RTCB: variants seen among roughly 807,000 people sequenced by gnomAD.
RTCB encodes RNA-splicing ligase RTCB.
RTCB carries 32 observed loss-of-function variants against 58.2 expected under a neutral mutation model. The observed-to-expected ratio is 0.55, with a 90% CI of 0.41 to 0.74. The LOEUF (loss-of-function observed/expected upper bound fraction) is 0.74, where lower values mean the gene tolerates loss of function less well. RTCB is among the 30% of genes least tolerant of loss of function. RTCB has a pLI of 0.00. For missense variants in RTCB, 523 were observed against 639.0 expected (o/e 0.82, Z 1.96); for synonymous variants, 247 against 218.6 (o/e 1.13, Z -1.15).
chr22:32,407,288 A>G (rs1363494641), intron 3 of RTCB: 1 of 153,762 alleles, frequency 6.5e-6, no homozygotes, highest in Non-Finnish European at 1.4e-5. Context: ...GACACTAACA[A>G]CTTCCTTATA....
At chr22:32,401,699 G>A in intron 5 of RTCB, 48 bp downstream of exon 5, 1 of 1,587,814 alleles carries the variant, frequency 6.3e-7, no homozygotes, top group South Asian at 1.1e-5. Flanking sequence ...TGAAGGTCAT[G>A]TGGTTATTAT....
At chr22:32,389,917 T>TG (rs1313621446) in intron 11 of RTCB, among the ~76,000 whole-genome samples, 1 of 152,198 alleles carries the variant, frequency 6.6e-6, no homozygotes, top group African/African-American at 2.4e-5. Context: ...CCCTCTGGCT[T>TG]GCTCTTGTCA....
chr22:32,388,274 G>A (rs1933091569), intron 11 of RTCB, among the ~76,000 whole-genome samples, 175 bp from the exon 12 acceptor site: 1 of 150,996 alleles, frequency 6.6e-6, no homozygotes, highest in Admixed American at 6.6e-5. Context: ...GGTCAGTGCT[G>A]ATTTCCAAAA....
chr22:32,388,401 T>C (rs371532833), intron 11 of RTCB, among the ~76,000 whole-genome samples: 209 of 152,240 alleles, frequency 1.4e-3, no homozygotes, highest in African/African-American at 4.9e-3. Context: ...CAGAACCTGA[T>C]TGGAAGAAAC....
At position 32,396,252 on chromosome 22, in the gene RTCB, G is replaced by A. The variant is rs1352189738; in HGVS notation, c.815-3C>T. On this transcript the variant is annotated splice_polypyrimidine_tract_variant and splice_region_variant and intron_variant, in intron 7 of 11. Coordinates refer to ENST00000216038, the MANE Select transcript of RTCB (RefSeq NM_014306.5). ...CTTCTCCATAGCTACCAGCGCATCT[G>A]GAACAAGAGCCACAAAGTCCAAACC... 1.2e-6 allele frequency: 2 copies of A among 1,613,640 alleles called. No homozygotes were observed. The highest frequency in any genetic ancestry group is 2.2e-5 in the East Asian group (1 of 44,874).
At chr22:32,398,308 A>G (rs904574839) in intron 6 of RTCB, among the ~76,000 whole-genome samples, 8 of 152,222 alleles carry the variant, frequency 5.3e-5, no homozygotes, top group Non-Finnish European at 1.0e-4. Flanking sequence ...GAATTTTGTT[A>G]TATCATTATA....
At chr22:32,400,757 C>A (rs1483248822) in intron 5 of RTCB, among the ~76,000 whole-genome samples, 1 of 152,038 alleles carries the variant, frequency 6.6e-6, no homozygotes, top group Non-Finnish European at 1.5e-5. Context: ...ACATTTTTTT[C>A]TATTAATTAT....
In RTCB at chr22:32,396,140, CT is replaced by C; in HGVS notation, c.923del (p.Lys308ArgfsTer17). On this transcript the variant is annotated frameshift_variant, in exon 8 of 12. Coordinates refer to ENST00000216038, the MANE Select transcript of RTCB (RefSeq NM_014306.5). LOFTEE classifies it high-confidence loss of function. ...IASPEGQDYL[K>X]GMAAAGNYAW... Reference sequence around the variant, plus strand: ...CATAGTTCCCAGCAGCTGCCATTCCCTTCAGATAGTCTTGACCCTCTGGGGA... The same window carrying C: ...CATAGTTCCCAGCAGCTGCCATTCCCTCAGATAGTCTTGACCCTCTGGGGA... 6.2e-7 allele frequency: 1 copy of C among 1,614,122 alleles called. No homozygotes were observed. Among genetic ancestry groups the C allele is most frequent in the Non-Finnish European group, 8.5e-7 (1 of 1,180,022 alleles).
rs938176347 is a variant in RTCB, at chr22:32,388,220, C to G, written c.1411-121G>C. 5 of 616,630 alleles carry G rather than the reference C, an allele frequency of 8.1e-6. No individual in the cohort carries two copies. In the East Asian group the frequency reaches 1.2e-4, roughly 14 times the overall value. The allele number at this position is 616,630 out of a possible 1,614,324, so 38.2% of individuals were successfully genotyped here. A position where few individuals can be genotyped will look rare whatever the true frequency, so the allele number is the denominator to read the frequency against. Reference sequence around the variant, plus strand: ...AATAATACAGAGAGTTTTTTTTTGCCTATGAAATTAGCAAAAATTTAAAAA... The same window carrying G: ...AATAATACAGAGAGTTTTTTTTTGCGTATGAAATTAGCAAAAATTTAAAAA... On this transcript the variant is annotated intron_variant, in intron 11 of 11. Transcript: ENST00000216038.
Position 32,412,228 on chromosome 22 carries a change from G to A in RTCB, c.-72C>T. 1.5e-6 allele frequency: 2 copies of A among 1,297,428 alleles called. No homozygotes were observed. Among genetic ancestry groups the A allele is most frequent in the Non-Finnish European group, 2.1e-6 (2 of 933,026 alleles). The allele number at this position is 1,297,428 out of a possible 1,614,324, so 80.4% of individuals were successfully genotyped here. ...CGCTGCCGCGTAGTCCGGCTTCTCA[G>A]AGCACCGCCTTCCAAGAACCAAAGC... On this transcript the variant is annotated 5_prime_UTR_variant, in exon 1 of 12. Transcript: ENST00000216038.
chr22:32,394,084 A>G, intron 9 of RTCB, 82 bp from the exon 10 acceptor site: 1 of 939,390 alleles, frequency 1.1e-6, no homozygotes, highest in South Asian at 1.4e-5. Context: ...TTTCTCTTGC[A>G]CTGTAGGATT....
intron 2 of RTCB, 111 bp downstream of exon 2, chr22:32,408,644 G>T: frequency 1.3e-6 from 1 of 791,870 alleles, no homozygotes; most frequent in Non-Finnish European, 2.2e-6. Flanking sequence ...CTTTTAAGTT[G>T]TAATCACTCC....
chr22:32,400,993 G>C (rs966137973), intron 5 of RTCB, among the ~76,000 whole-genome samples: 1 of 151,976 alleles, frequency 6.6e-6, no homozygotes, highest in Non-Finnish European at 1.5e-5. Flanking sequence ...GAGGAAGGTT[G>C]GGGTTAAATA....
rs1179068565 is a variant in RTCB at position 32,399,747 on chromosome 22, C to A, written c.510G>T (p.Glu170Asp). The change falls in exon 6 of 12, where the codon GAG (glutamate) becomes GAT (aspartate). Residue 170 changes from glutamate (E) to aspartate (D), a missense_variant. Physicochemically the swap from Glu to Asp is conservative, Grantham distance 45. Transcript: ENST00000216038. Reference sequence around the variant, plus strand: ...ACCAGTCCACCCCCATCTCCAAGGCCTCCTCCAAGTCTCTGGATAAGTATA... The same window carrying A: ...ACCAGTCCACCCCCATCTCCAAGGCATCCTCCAAGTCTCTGGATAAGTATA... Reference protein sequence around the residue: ...VIPMNAKDLEEALEMGVDWSL... With the variant: ...VIPMNAKDLEDALEMGVDWSL... The A allele has an allele frequency of 1.2e-6, 2 of 1,613,536 alleles. No homozygotes were observed. The highest frequency in any genetic ancestry group is 2.2e-5 in the South Asian group (2 of 90,996).
At position 32,410,671 on chromosome 22, in the gene RTCB, G is replaced by A. The variant is rs950233439; in HGVS notation, c.93+1393C>T. On this transcript the variant is annotated intron_variant, in intron 1 of 11. Coordinates refer to ENST00000216038, the MANE Select transcript of RTCB (RefSeq NM_014306.5). Reference sequence around the variant, plus strand: ...AACACCTGCCAGACAATGACAGTCTGTGTTATTAGATCCTACAGATAATCA... The same window carrying A: ...AACACCTGCCAGACAATGACAGTCTATGTTATTAGATCCTACAGATAATCA... Among the ~76,000 whole-genome samples the A allele has an allele frequency of 3.9e-5, 6 of 151,908 alleles. No individual in the cohort carries two copies. The East Asian group carries it at 5.8e-4, about 15-fold the overall frequency.
chr22:32,399,158 G>A (rs939975690), intron 6 of RTCB, among the ~76,000 whole-genome samples: 1 of 151,984 alleles, frequency 6.6e-6, no homozygotes, highest in Non-Finnish European at 1.5e-5. Flanking sequence ...ACATTTGCAA[G>A]CTCCTGATTG....
chr22:32,398,385 A>T, intron 6 of RTCB, among the ~76,000 whole-genome samples: 1 of 152,166 alleles, frequency 6.6e-6, no homozygotes, highest in Non-Finnish European at 1.5e-5. Context: ...GTTCTCACTC[A>T]TAAGTGGGAG....
chr22:32,408,929 TA>T, intron 1 of RTCB, 96 bp from the exon 2 acceptor site: 1 of 858,598 alleles, frequency 1.2e-6, no homozygotes, highest in Non-Finnish European at 1.9e-6. Flanking sequence ...TACTGTGCTT[TA>T]CTCTTTACCA....
chr22:32,405,489 C>G (rs1433794436), intron 4 of RTCB, among the ~76,000 whole-genome samples: 5 of 152,168 alleles, frequency 3.3e-5, no homozygotes, highest in Admixed American at 3.3e-4. Flanking sequence ...CATACACACA[C>G]ACAACCACAC....
Sources: allele counts gnomAD v4.1 joint callset (sites outside exome capture counted in the v4.1 genomes callset), GRCh38; gene constraint gnomAD v4.1.1; transcripts MANE v1.5; gene names NCBI Gene and HGNC (gene_info 2026-07-23, HGNC 2026-07-21).